Variants in EIF4B observed in about 807,000 individuals in gnomAD.
EIF4B encodes the protein eukaryotic translation initiation factor 4B.
Under a neutral mutation model 79.3 loss-of-function variants are expected in EIF4B, and 8 were observed. The ratio of observed to expected loss-of-function variants is 0.10; its 90% CI spans 0.06 to 0.18. The LOEUF is 0.18. EIF4B is among the 10% of genes least tolerant of loss of function. The probability of loss-of-function intolerance (pLI) is 1.00; values close to 1 mark genes in which losing one functional copy is unlikely to be tolerated. For synonymous variants in EIF4B, 238 were observed against 274.7 expected (o/e 0.87, Z 1.32); for missense variants, 515 against 792.4 (o/e 0.65, Z 4.20).
intron 8 of EIF4B, among the ~76,000 whole-genome samples, chr12:53,029,154 T>G (rs2120952927): frequency 6.6e-6 from 1 of 152,068 alleles, no homozygotes; most frequent in South Asian, 2.1e-4. Flanking sequence ...TGTACCATTA[T>G]ACCACAATAA....
chr12:53,021,715 G>A (rs1216043316), intron 4 of EIF4B, 91 bp from the exon 5 acceptor site: 2 of 1,423,084 alleles, frequency 1.4e-6, no homozygotes, highest in East Asian at 4.6e-5. Context: ...CCTTCCCCTA[G>A]TGCTTCTGCT....
chr12:53,039,837 A>G (rs1943600983), intron 14 of EIF4B, 135 bp downstream of exon 14: 3 of 1,019,826 alleles, frequency 2.9e-6, no homozygotes, highest in Non-Finnish European at 4.2e-6. Context: ...TGGAATACAA[A>G]GTGTTTGGAA....
intron 8 of EIF4B, among the ~76,000 whole-genome samples, chr12:53,029,409 G>C (rs1388507668): frequency 7.8e-6 from 1 of 127,784 alleles, no homozygotes; most frequent in South Asian, 2.4e-4. Context: ...GTCTTGCTCT[G>C]TTTGTTGCCA....
intron 1 of EIF4B, among the ~76,000 whole-genome samples, chr12:53,011,346 G>T (rs141103654): frequency 2.2e-4 from 33 of 152,278 alleles, no homozygotes; most frequent in African/African-American, 7.9e-4. Context: ...CACCCCCAAA[G>T]AAAAGTCCTT....
At chr12:53,013,932 G>C (rs188721524) in intron 1 of EIF4B, 1 of 151,910 alleles carries the variant, frequency 6.6e-6, no homozygotes, top group Non-Finnish European at 1.5e-5. Context: ...AGGCTGAGAC[G>C]GGTGGACCAC....
At chr12:53,009,243 G>A (rs578228879) in intron 1 of EIF4B, among the ~76,000 whole-genome samples, 3 of 152,266 alleles carry the variant, frequency 2.0e-5, no homozygotes, top group African/African-American at 7.2e-5. Flanking sequence ...TTCAAATTGG[G>A]CAGGGTGCAG....
chr12:53,024,397 T>C (rs1278162603), intron 6 of EIF4B, among the ~76,000 whole-genome samples: 1 of 152,194 alleles, frequency 6.6e-6, no homozygotes, highest in Non-Finnish European at 1.5e-5. Context: ...CCATGTAGTA[T>C]TAATGCATAA....
intron 5 of EIF4B, 177 bp from the exon 6 acceptor site, chr12:53,022,316 G>C (rs1377115779): frequency 3.4e-6 from 3 of 883,742 alleles, no homozygotes; most frequent in Non-Finnish European, 5.5e-6. Context: ...AAAAACGGGA[G>C]GAAAAGAGCC....
intron 3 of EIF4B, 44 bp from the exon 4 acceptor site, chr12:53,019,866 A>C: frequency 6.3e-7 from 1 of 1,579,996 alleles, no homozygotes; most frequent in Non-Finnish European, 8.6e-7. Context: ...TGACAAATGA[A>C]GAAGAATGCT....
intron 1 of EIF4B, among the ~76,000 whole-genome samples, chr12:53,007,476 A>G (rs1432606000): frequency 7.9e-6 from 1 of 126,068 alleles, no homozygotes; most frequent in African/African-American, 3.2e-5. Context: ...ACCAGCAGGT[A>G]CTTTTAAAAT....
chr12:53,014,813 CTT>C (rs1307337205), intron 1 of EIF4B: 1 of 152,124 alleles, frequency 6.6e-6, no homozygotes, highest in Non-Finnish European at 1.5e-5. Flanking sequence ...TGAAGCCAAT[CTT>C]TTTTACAACA....
chr12:53,028,155 T>G lies in EIF4B; in HGVS notation c.946T>G (p.Tyr316Asp). ...DDRSWSSRDD[Y>D]SRDDYRRDDR... ...TCGGTCGTGGAGCTCCAGAGATGATTACTCTCGGGATGATTATAGGCGTGA... is the reference window on the plus strand; with the variant it reads ...TCGGTCGTGGAGCTCCAGAGATGATGACTCTCGGGATGATTATAGGCGTGA... The change falls in exon 8 of 15, where the codon TAC becomes GAC. Residue 316 changes from tyrosine (Y) to aspartate (D), a missense_variant. Coordinates refer to ENST00000262056, the MANE Select transcript of EIF4B (RefSeq NM_001417.7). 1 of 1,612,024 alleles carries G rather than the reference T, an allele frequency of 6.2e-7. No individual in the cohort carries two copies. Among genetic ancestry groups the G allele is most frequent in the Non-Finnish European group, 8.5e-7 (1 of 1,179,250 alleles).
rs184787404 is a variant in EIF4B at position 53,007,068 on chromosome 12, G to C, written c.13+572G>C. Among the ~76,000 whole-genome samples the C allele has an allele frequency of 1.3e-3, 204 of 152,330 alleles. 1 individual carries two copies. Among genetic ancestry groups the C allele is most frequent in the African/African-American group, 4.6e-3 (193 of 41,566 alleles). On this transcript the variant is annotated intron_variant, in intron 1 of 14. Coordinates refer to ENST00000262056, the MANE Select transcript of EIF4B (RefSeq NM_001417.7). Reference sequence around the variant, plus strand: ...AGAGACGGGCGCGCCTTCAATGCGTGCGCTAGAACCCAGATGGGAAGCTTT... The same window carrying C: ...AGAGACGGGCGCGCCTTCAATGCGTCCGCTAGAACCCAGATGGGAAGCTTT...
rs1443683884 is a variant in EIF4B, at chr12:53,041,910, CTATT to C, written c.*1688_*1691del. 6.6e-6 allele frequency: 1 copy of C among 152,320 alleles called. No homozygotes were observed. Among genetic ancestry groups the C allele is most frequent in the Admixed American group, 6.6e-5 (1 of 15,264 alleles). The allele number at this position is 152,320 out of a possible 1,614,324, so 9.4% of individuals were successfully genotyped here. On this transcript the variant is annotated 3_prime_UTR_variant, in exon 15 of 15. Coordinates refer to ENST00000262056, the MANE Select transcript of EIF4B (RefSeq NM_001417.7). ...TTCTTTTTTAAAAAAGAAAAACAAA[CTATT>C]GATTGTAGATAATGAAAAGCTAGGG... is the stretch of plus-strand genomic sequence containing the variant.
rs201311118 is a variant in EIF4B, at chr12:53,033,996, G to T, written c.1170G>T (p.Gln390His). The T allele has an allele frequency of 5.1e-5, 83 of 1,613,468 alleles. No individual in the cohort carries two copies. The highest frequency in any genetic ancestry group is 1.7e-6 in the Non-Finnish European group (2 of 1,179,736). ...AGGAACAAGAGAAGTTGCAGCGTCA[G>T]CTGGATGAGCCAAAACTAGAACGAC... ...LQKEQEKLQRQLDEPKLERRP... is the reference protein window; with the variant it reads ...LQKEQEKLQRHLDEPKLERRP... Residue 390 changes from glutamine to histidine, a missense_variant, in exon 9 of 15, where the codon CAG becomes CAT. Physicochemically the swap from Gln to His is conservative, Grantham distance 24. Coordinates refer to ENST00000262056, the MANE Select transcript of EIF4B (RefSeq NM_001417.7).
chr12:53,018,884 G>T lies in EIF4B; in HGVS notation c.238G>T (p.Ala80Ser), dbSNP rs1422735936. Residue 80 changes from alanine to serine, a missense_variant, in exon 3 of 15, where the codon GCT becomes TCT. By Grantham distance (99) the Ala-to-Ser change is moderately conservative (BLOSUM62 1). Around this residue, in one of 6 missense-constraint regions of EIF4B, gnomAD observed 105 missense variants for 177.2 expected, o/e 0.59. Transcript: ENST00000262056. Reference sequence around the variant, plus strand: ...CATCCTTCCCACTGCTCCACGGGCTGCTCGGGAACCCAATATCGACCGGAG... The same window carrying T: ...CATCCTTCCCACTGCTCCACGGGCTTCTCGGGAACCCAATATCGACCGGAG... ...RSILPTAPRA[A>S]REPNIDRSRL... 1.2e-6 allele frequency: 2 copies of T among 1,613,848 alleles called. No individual in the cohort carries two copies. Among genetic ancestry groups the T allele is most frequent in the South Asian group, 1.1e-5 (1 of 91,068 alleles).
intron 10 of EIF4B, among the ~76,000 whole-genome samples, chr12:53,036,777 A>AGT (rs1270684223): frequency 6.6e-6 from 1 of 152,176 alleles, no homozygotes; most frequent in African/African-American, 2.4e-5. Context: ...GCCAGGCTGG[A>AGT]GTGCAGCAAC....
chr12:53,020,068 C>T (rs374358533), intron 4 of EIF4B, 42 bp downstream of exon 4: 1 of 1,495,200 alleles, frequency 6.7e-7, no homozygotes, highest in African/African-American at 1.4e-5. Flanking sequence ...TGTAAGTTCA[C>T]AAATCTCATG....
At chr12:53,036,226 C>T (rs1425271390) in intron 10 of EIF4B, among the ~76,000 whole-genome samples, 1 of 152,136 alleles carries the variant, frequency 6.6e-6, no homozygotes, top group Non-Finnish European at 1.5e-5. Context: ...GATTCTCCTG[C>T]CCAAGCCTCC....
Sources: allele counts gnomAD v4.1 joint callset (sites outside exome capture counted in the v4.1 genomes callset), GRCh38; gene constraint gnomAD v4.1.1; regional missense constraint gnomAD v4.1.1; transcripts MANE v1.5; gene names NCBI Gene and HGNC (gene_info 2026-07-23, HGNC 2026-07-21).